Variants in CTNNA2 observed in about 807,000 individuals in gnomAD.
CTNNA2 encodes the protein catenin alpha 2.
A neutral mutation model predicts 101.0 loss-of-function variants in CTNNA2; 42 were observed. That is an observed-to-expected ratio of 0.42 (90% CI 0.32 to 0.54). The LOEUF (loss-of-function observed/expected upper bound fraction) is 0.54. Among genes scored for constraint, CTNNA2 ranks in the 20% least tolerant of loss-of-function variants. The pLI is 0.14. For missense variants in CTNNA2, 871 were observed against 1,223.1 expected (o/e 0.71, Z 4.29); for synonymous variants, 450 against 456.4 (o/e 0.99, Z 0.18).
In CTNNA2 at chr2:79,574,838, TG is replaced by T. The variant is rs374710426; in HGVS notation, c.-6+61632del. ...AGCTAATTTACATTCCCACCAGCTG[TG>T]TATAAGTGTTCCCTTTTCTTTCTAA... On this transcript the variant is annotated intron_variant, in intron 1 of 18. Transcript: ENST00000402739. Among the ~76,000 whole-genome samples, 226 of 152,308 alleles carry T rather than the reference TG, an allele frequency of 1.5e-3. 1 individual carries two copies. Among genetic ancestry groups the T allele is most frequent in the African/African-American group, 5.2e-3 (215 of 41,572 alleles).
chr2:79,584,677 G>A (rs1479116981), intron 1 of CTNNA2, among the ~76,000 whole-genome samples: 7 of 151,854 alleles, frequency 4.6e-5, no homozygotes, highest in East Asian at 1.9e-4. Flanking sequence ...ACACCACCAC[G>A]TCCGGCTAAT....
At chr2:79,804,730 A>G (rs1676435774) in intron 3 of CTNNA2, among the ~76,000 whole-genome samples, 2 of 152,170 alleles carry the variant, frequency 1.3e-5, no homozygotes. Context: ...GTCTGTGAAA[A>G]TTTTAGACCA....
At chr2:79,959,891 A>C (rs899142559) in intron 7 of CTNNA2, among the ~76,000 whole-genome samples, 1 of 152,210 alleles carries the variant, frequency 6.6e-6, no homozygotes, top group Non-Finnish European at 1.5e-5. Context: ...CTCTGTTCTT[A>C]ATAAATAGGT....
At chr2:79,219,009 G>A (rs1466693949) in intron 2 of CTNNA2, among the ~76,000 whole-genome samples, 1 of 151,896 alleles carries the variant, frequency 6.6e-6, no homozygotes, top group East Asian at 1.9e-4. Flanking sequence ...TCTATGCAAG[G>A]GTGTGTGTAT....
At chr2:79,744,356 G>T (rs1486645497) in intron 2 of CTNNA2, 31 bp from the exon 3 acceptor site, 2 of 1,561,230 alleles carry the variant, frequency 1.3e-6, no homozygotes, top group East Asian at 2.3e-5. Flanking sequence ...GTTTTGCAAA[G>T]AAGTTTTACA....
chr2:80,192,351 T>C (rs979609826), intron 7 of CTNNA2, among the ~76,000 whole-genome samples: 1 of 152,144 alleles, frequency 6.6e-6, no homozygotes, highest in Non-Finnish European at 1.5e-5. Context: ...AAAACCACCA[T>C]ACGATTGTCT....
chr2:79,891,342 G>A (rs140261159), intron 6 of CTNNA2, among the ~76,000 whole-genome samples: 8 of 152,276 alleles, frequency 5.3e-5, no homozygotes, highest in South Asian at 2.1e-4. Flanking sequence ...GAATCGCTGT[G>A]TAGAATTTTT....
chr2:79,324,174 G>T (rs866764343), intron 3 of CTNNA2, among the ~76,000 whole-genome samples: 1 of 152,166 alleles, frequency 6.6e-6, no homozygotes, highest in South Asian at 2.1e-4. Context: ...TAGATGAAAG[G>T]CAGACTATTT....
chr2:80,429,240 G>A (rs989925178), intron 9 of CTNNA2, among the ~76,000 whole-genome samples: 1 of 152,112 alleles, frequency 6.6e-6, no homozygotes, highest in African/African-American at 2.4e-5. Flanking sequence ...TAACTATTTA[G>A]ATATAAAGCT....
At chr2:80,158,598 A>G (rs931352801) in intron 7 of CTNNA2, among the ~76,000 whole-genome samples, 1 of 152,084 alleles carries the variant, frequency 6.6e-6, no homozygotes, top group Non-Finnish European at 1.5e-5. Flanking sequence ...CTCCATTGCT[A>G]TAGTTTTGTT....
At chr2:80,325,004 A>G (rs1411928615) in intron 7 of CTNNA2, among the ~76,000 whole-genome samples, 1 of 152,186 alleles carries the variant, frequency 6.6e-6, no homozygotes, top group East Asian at 1.9e-4. Context: ...TTATGTTCCT[A>G]TGTATGTATA....
chr2:79,757,016 AAC>A (rs1672447155), intron 3 of CTNNA2, among the ~76,000 whole-genome samples: 1 of 152,170 alleles, frequency 6.6e-6, no homozygotes, highest in African/African-American at 2.4e-5. Context: ...TCTAAAATAA[AAC>A]TAAACAGATT....
At chr2:80,460,241 G>A (rs1453072006) in intron 9 of CTNNA2, among the ~76,000 whole-genome samples, 30 of 152,034 alleles carry the variant, frequency 2.0e-4, no homozygotes, top group African/African-American at 6.0e-4. Context: ...GCTTGGAACT[G>A]TAGAAACTGA....
intron 9 of CTNNA2, among the ~76,000 whole-genome samples, chr2:80,544,383 AT>A (rs1219940703): frequency 6.6e-6 from 1 of 152,060 alleles, no homozygotes; most frequent in African/African-American, 2.4e-5. Context: ...TTTATACTAG[AT>A]CTGCACATTG....
intron 2 of CTNNA2, among the ~76,000 whole-genome samples, chr2:79,732,909 A>T (rs1284252414): frequency 3.3e-5 from 5 of 152,098 alleles, no homozygotes; most frequent in African/African-American, 1.2e-4. Flanking sequence ...ACAAAAAACA[A>T]AAAACAAAAT....
intron 2 of CTNNA2, among the ~76,000 whole-genome samples, chr2:79,286,848 A>G (rs1227579838): frequency 3.3e-5 from 5 of 151,890 alleles, no homozygotes; most frequent in Admixed American, 6.6e-5. Flanking sequence ...CCTGCAGAGT[A>G]TTTTCCAACT....
intron 3 of CTNNA2, among the ~76,000 whole-genome samples, chr2:79,802,842 T>A (rs1676273276): frequency 6.6e-6 from 1 of 152,238 alleles, no homozygotes; most frequent in African/African-American, 2.4e-5. Flanking sequence ...ACTTTAGGCT[T>A]TATTATCTTT....
At chr2:79,974,854 C>A (rs999090950) in intron 7 of CTNNA2, among the ~76,000 whole-genome samples, 1 of 151,958 alleles carries the variant, frequency 6.6e-6, no homozygotes, top group Non-Finnish European at 1.5e-5. Flanking sequence ...TCAGACGAAG[C>A]GTAGGAGGGG....
chr2:79,389,255 A>G (rs1051350502), intron 4 of CTNNA2, among the ~76,000 whole-genome samples: 12 of 152,206 alleles, frequency 7.9e-5, no homozygotes, highest in Non-Finnish European at 1.3e-4. Flanking sequence ...TACTAATTTA[A>G]TCAATCATAT....
Sources: allele counts gnomAD v4.1 joint callset (sites outside exome capture counted in the v4.1 genomes callset), GRCh38; gene constraint gnomAD v4.1.1; transcripts MANE v1.5; gene names NCBI Gene and HGNC (gene_info 2026-07-23, HGNC 2026-07-21).